LINGO4: variants seen among roughly 807,000 people sequenced by gnomAD.
LINGO4 encodes leucine-rich repeat and immunoglobulin-like domain-containing nogo receptor-interacting protein 4.
In LINGO4, 22 loss-of-function variants were observed where a neutral mutation model predicts 27.9. The ratio of observed to expected loss-of-function variants is 0.79; its 90% CI spans 0.56 to 1.13. The LOEUF is 1.13. Among genes scored for constraint, LINGO4 ranks in the 50% most tolerant of loss-of-function variants. The pLI is 0.00. For synonymous variants in LINGO4, 306 were observed against 325.8 expected, an observed-to-expected ratio of 0.94 and a Z score of 0.65; for missense variants, 706 against 739.4, an observed-to-expected ratio of 0.95 and a Z score of 0.52.
At chr1:151,804,318 G>A (rs1310752876) in intron 1 of LINGO4, among the ~76,000 whole-genome samples, 1 of 152,210 alleles carries the variant, frequency 6.6e-6, no homozygotes, top group Non-Finnish European at 1.5e-5. Flanking sequence ...ACTGGTGTGA[G>A]GCTTGGGGAT....
chr1:151,801,170 G>C lies in LINGO4; in HGVS notation c.1535C>G (p.Ser512Cys). 1 of 1,614,216 alleles carries C rather than the reference G, an allele frequency of 6.2e-7. No homozygotes were observed. The highest frequency in any genetic ancestry group is 1.1e-5 in the South Asian group (1 of 91,088). Residue 512 changes from serine to cysteine, a missense_variant, in exon 2 of 2, where the codon TCT becomes TGT. Ser to Cys is a moderately radical substitution (Grantham distance 112). Coordinates refer to ENST00000368820, the MANE Select transcript of LINGO4 (RefSeq NM_001004432.4). This position sits in a 1 kb window ranked among gnomAD's most constrained non-coding sequence, Gnocchi z 5.7. ...IQVEPPNGTL[S>C]DPNITVPGIP... ...CCCTGGCACGGTGATGTTGGGGTCA[G>C]AAAGTGTGCCGTTTGGTGGTTCCAC...
intron 1 of LINGO4, among the ~76,000 whole-genome samples, chr1:151,803,591 T>G (rs1006073054): frequency 2.0e-5 from 3 of 152,144 alleles, no homozygotes; most frequent in African/African-American, 7.2e-5. Flanking sequence ...TCCTTAATGG[T>G]GTTTGGATTC....
Position 151,802,135 on chromosome 1 carries a change from G to T in LINGO4, c.570C>A (p.Cys190Ter). 6.2e-7 allele frequency: 1 copy of T among 1,613,878 alleles called. No homozygotes were observed. Among genetic ancestry groups the T allele is most frequent in the Non-Finnish European group, 8.5e-7 (1 of 1,180,024 alleles). The change falls in exon 2 of 2, where the codon TGC becomes TGA. Residue 190 changes from cysteine to a stop codon, truncating the protein, a stop_gained. Transcript: ENST00000368820. LOFTEE classifies it high-confidence loss of function. ...CTAGGCCAGGCACTGTGCTGAGGTT[G>T]CAGCGCTCCAGGGTGAGGGTGCTCA... ...AKLSTLTLER[C>*]NLSTVPGLAL...
intron 1 of LINGO4, 50 bp from the exon 2 acceptor site, chr1:151,802,767 G>T (rs765944543): frequency 8.5e-5 from 113 of 1,324,244 alleles, no homozygotes; most frequent in Non-Finnish European, 8.7e-5. Flanking sequence ...TTCAGATGAC[G>T]GTGACCCTGG....
rs753744404 is a variant in LINGO4 at position 151,801,009 on chromosome 1, G to A, written c.1696C>T (p.His566Tyr). The change falls in exon 2 of 2, where the codon CAT (histidine) becomes TAT (tyrosine). Residue 566 changes from histidine (H) to tyrosine (Y), a missense_variant. Physicochemically the swap from His to Tyr is moderately conservative, Grantham distance 83. Transcript: ENST00000368820. This position sits in a 1 kb window ranked among gnomAD's most constrained non-coding sequence, Gnocchi z 5.7. The part of the protein sequence containing the change: ...LWSKGKGRVK[H>Y]HMTFDFVAPR... ...GCCACAAAGTCAAAGGTCATGTGAT[G>A]TTTGACCCGACCTTTGCCCTTGCTC... The A allele has an allele frequency of 1.2e-6, 2 of 1,614,072 alleles. No individual in the cohort carries two copies. The highest frequency in any genetic ancestry group is 3.3e-5 in the Admixed American group (2 of 60,002).
Position 151,802,192 on chromosome 1 carries a change from C to A in LINGO4, c.513G>T (p.Val171=). 1 of 1,614,136 alleles carries A rather than the reference C, an allele frequency of 6.2e-7. No homozygotes were observed. Among genetic ancestry groups the A allele is most frequent in the Non-Finnish European group, 8.5e-7 (1 of 1,180,020 alleles). ...CTAGCCCTGCAAAGGCCCCCGGAGC[C>A]ACAAATACCAGGTGGTTGTCCCCAA... ...LEVGDNHLVF[V]APGAFAGLAK... is the part of the protein sequence containing the mutation. The change falls in exon 2 of 2, where the codon GTG becomes GTT. Residue 171 remains valine (V), a synonymous_variant. Coordinates refer to ENST00000368820, the MANE Select transcript of LINGO4 (RefSeq NM_001004432.4).
chr1:151,802,767 G>A (rs765944543), intron 1 of LINGO4, 50 bp from the exon 2 acceptor site: 57 of 1,324,244 alleles, frequency 4.3e-5, no homozygotes, highest in Non-Finnish European at 5.4e-5. Flanking sequence ...TTCAGATGAC[G>A]GTGACCCTGG....
At position 151,802,517 on chromosome 1, in the gene LINGO4, T is replaced by C. The variant is rs761593515; in HGVS notation, c.188A>G (p.Glu63Gly). ...GCGGTTCCCACTCAGGTCCAGGAGCTCAGTGTCCAGTGGGAGTCCTCCAGG... is the reference window on the plus strand; with the variant it reads ...GCGGTTCCCACTCAGGTCCAGGAGCCCAGTGTCCAGTGGGAGTCCTCCAGG... ...AVPGGLPLDT[E>G]LLDLSGNRLW... is the part of the protein sequence containing the mutation. The change falls in exon 2 of 2, where the codon GAG (glutamate) becomes GGG (glycine). Residue 63 changes from glutamate (E) to glycine (G), a missense_variant. Glu to Gly is a moderately conservative substitution (Grantham distance 98, BLOSUM62 -2). Coordinates refer to ENST00000368820, the MANE Select transcript of LINGO4 (RefSeq NM_001004432.4). The C allele has an allele frequency of 4.3e-6, 7 of 1,610,350 alleles. No homozygotes were observed. The highest frequency in any genetic ancestry group is 5.9e-6 in the Non-Finnish European group (7 of 1,178,154).
Position 151,801,443 on chromosome 1 carries a change from C to G in LINGO4, c.1262G>C (p.Arg421Pro), listed in dbSNP as rs143154971. The change falls in exon 2 of 2, where the codon CGA becomes CCA. Residue 421 changes from arginine to proline, a missense_variant. Arg to Pro is a moderately radical substitution (Grantham distance 103). Coordinates refer to ENST00000368820, the MANE Select transcript of LINGO4 (RefSeq NM_001004432.4). The surrounding 1 kb of genome is among the most constrained non-coding windows in gnomAD (Gnocchi z 5.7). Reference protein sequence around the residue: ...KPALIRKSGPRWVIAEEGGHA... With the variant: ...KPALIRKSGPPWVIAEEGGHA... ...CCCGCCCTCCTCTGCAATGACCCATCGAGGCCCCGACTTTCGGATCAGGGC... is the reference window on the plus strand; with the variant it reads ...CCCGCCCTCCTCTGCAATGACCCATGGAGGCCCCGACTTTCGGATCAGGGC... 4 of 1,614,142 alleles carry G rather than the reference C, an allele frequency of 2.5e-6. No homozygotes were observed. The East Asian group carries it at 6.7e-5, about 27-fold the overall frequency.
At position 151,800,795 on chromosome 1, in the gene LINGO4, A is replaced by T; in HGVS notation, c.*128T>A. ...AAGCAGACTCTCCGGCAGGAGGCACAACGCAGGCGGGAGGTGCAGGAGAGC... is the reference window on the plus strand; with the variant it reads ...AAGCAGACTCTCCGGCAGGAGGCACTACGCAGGCGGGAGGTGCAGGAGAGC... On this transcript the variant is annotated 3_prime_UTR_variant, in exon 2 of 2. Coordinates refer to ENST00000368820, the MANE Select transcript of LINGO4 (RefSeq NM_001004432.4). 1.2e-6 allele frequency: 1 copy of T among 810,148 alleles called. No homozygotes were observed. Among genetic ancestry groups the T allele is most frequent in the Non-Finnish European group, 2.0e-6 (1 of 510,806 alleles). 50.2% of individuals were successfully genotyped at this position (810,148 alleles called of 1,614,324 possible). A position where few individuals can be genotyped will look rare whatever the true frequency, so the allele number is the denominator to read the frequency against.
At chr1:151,802,794 TAGAG>T (rs1651192840) in intron 1 of LINGO4, 77 bp from the exon 2 acceptor site, 2 of 1,050,456 alleles carry the variant, frequency 1.9e-6, no homozygotes, top group Non-Finnish European at 2.6e-6. Flanking sequence ...TGGCCCTTCT[TAGAG>T]AGGAGAGAAA....
Position 151,801,092 on chromosome 1 carries a change from A to T in LINGO4, c.1613T>A (p.Val538Asp). The T allele has an allele frequency of 6.2e-7, 1 of 1,614,170 alleles. No homozygotes were observed. Among genetic ancestry groups the T allele is most frequent in the Non-Finnish European group, 8.5e-7 (1 of 1,180,026 alleles). ...TGAGGTGAGGAAGGGGAGGAAGCCG[A>T]CTGCCAGCACCATGGCCACACCTCT... is the stretch of plus-strand genomic sequence containing the variant. ...DSRGVAMVLA[V>D]GFLPFLTSVT... Residue 538 changes from valine (V) to aspartate (D), a missense_variant, in exon 2 of 2, where the codon GTC becomes GAC. Val to Asp is a radical substitution (Grantham distance 152). Transcript: ENST00000368820. This position sits in a 1 kb window ranked among gnomAD's most constrained non-coding sequence, Gnocchi z 5.7.
Position 151,805,375 on chromosome 1 carries a change from G to C in LINGO4, c.-159C>G. 5.4e-6 allele frequency: 1 copy of C among 184,778 alleles called. No individual in the cohort carries two copies. The highest frequency in any genetic ancestry group is 9.0e-5 in the South Asian group (1 of 11,062). The allele number at this position is 184,778 out of a possible 1,614,324, so 11.4% of individuals were successfully genotyped here. On this transcript the variant is annotated 5_prime_UTR_variant, in exon 1 of 2. Transcript: ENST00000368820. Reference sequence around the variant, plus strand: ...CCTGGCTGCCCGGCTGCTGCCTGCCGCTGCTGCTGCTGCTGTTGCTGCTGC... The same window carrying C: ...CCTGGCTGCCCGGCTGCTGCCTGCCCCTGCTGCTGCTGCTGTTGCTGCTGC...
Position 151,801,095 on chromosome 1 carries a change from G to C in LINGO4, c.1610C>G (p.Ala537Gly), listed in dbSNP as rs764966255. The change falls in exon 2 of 2, where the codon GCA becomes GGA. Residue 537 changes from alanine (A) to glycine (G), a missense_variant. Ala to Gly is a moderately conservative substitution (Grantham distance 60, BLOSUM62 0). Coordinates refer to ENST00000368820, the MANE Select transcript of LINGO4 (RefSeq NM_001004432.4). This position sits in a 1 kb window ranked among gnomAD's most constrained non-coding sequence, Gnocchi z 5.7. ...LDSRGVAMVL[A>G]VGFLPFLTSV... is the part of the protein sequence containing the mutation. ...GGTGAGGAAGGGGAGGAAGCCGACTGCCAGCACCATGGCCACACCTCTGCT... is the reference window on the plus strand; with the variant it reads ...GGTGAGGAAGGGGAGGAAGCCGACTCCCAGCACCATGGCCACACCTCTGCT... The C allele has an allele frequency of 1.2e-6, 2 of 1,614,094 alleles. No individual in the cohort carries two copies. Among genetic ancestry groups the C allele is most frequent in the Non-Finnish European group, 1.7e-6 (2 of 1,180,040 alleles).
Position 151,802,752 on chromosome 1 carries a change from G to A in LINGO4, c.-13-35C>T, listed in dbSNP as rs1011468900. The A allele has an allele frequency of 2.7e-5, 38 of 1,411,560 alleles. No individual in the cohort carries two copies. The African/African-American group carries it at 3.4e-4, about 13-fold the overall frequency. The allele number at this position is 1,411,560 out of a possible 1,614,324, so 87.4% of individuals were successfully genotyped here. A position where few individuals can be genotyped will look rare whatever the true frequency, so the allele number is the denominator to read the frequency against. ...ATGATGACATGGCCCTTTTTGGAAA[G>A]TGGCTTCAGATGACGGTGACCCTGG... On this transcript the variant is annotated intron_variant, in intron 1 of 1. Coordinates refer to ENST00000368820, the MANE Select transcript of LINGO4 (RefSeq NM_001004432.4).
At position 151,800,783 on chromosome 1, in the gene LINGO4, G is replaced by T; in HGVS notation, c.*140C>A. 1.4e-6 allele frequency: 1 copy of T among 727,802 alleles called. No homozygotes were observed. The highest frequency in any genetic ancestry group is 2.3e-6 in the Non-Finnish European group (1 of 442,036). The allele number at this position is 727,802 out of a possible 1,614,324, so 45.1% of individuals were successfully genotyped here. A position where few individuals can be genotyped will look rare whatever the true frequency, so the allele number is the denominator to read the frequency against. ...GAAAAGCTCAGGAAGCAGACTCTCC[G>T]GCAGGAGGCACAACGCAGGCGGGAG... On this transcript the variant is annotated 3_prime_UTR_variant, in exon 2 of 2. Coordinates refer to ENST00000368820, the MANE Select transcript of LINGO4 (RefSeq NM_001004432.4).
chr1:151,804,848 C>A (rs911386750), intron 1 of LINGO4, among the ~76,000 whole-genome samples: 6 of 152,148 alleles, frequency 3.9e-5, no homozygotes, highest in African/African-American at 1.4e-4. Context: ...ATGTGGCAGT[C>A]CAGAGACACT....
In LINGO4 at chr1:151,800,830, C is replaced by T. The variant is rs1365167460; in HGVS notation, c.*93G>A. On this transcript the variant is annotated 3_prime_UTR_variant, in exon 2 of 2. Coordinates refer to ENST00000368820, the MANE Select transcript of LINGO4 (RefSeq NM_001004432.4). ...GGAGGTGCAGGAGAGCGGTGCTGCT[C>T]GGGACTAGGTTCTGGTTCAAGCAGC... The T allele has an allele frequency of 9.2e-6, 11 of 1,190,802 alleles. No individual in the cohort carries two copies. The highest frequency in any genetic ancestry group is 1.5e-5 in the African/African-American group (1 of 65,218). The allele number at this position is 1,190,802 out of a possible 1,614,324, so 73.8% of individuals were successfully genotyped here.
chr1:151,802,132 G>A lies in LINGO4; in HGVS notation c.573C>T (p.Asn191=), dbSNP rs759819047. ...GGGCTAGGCCAGGCACTGTGCTGAG[G>A]TTGCAGCGCTCCAGGGTGAGGGTGC... ...KLSTLTLERC[N]LSTVPGLALA... is the part of the protein sequence containing the mutation. Residue 191 remains asparagine (N), a synonymous_variant, in exon 2 of 2, where the codon AAC becomes AAT. Transcript: ENST00000368820. 1.9e-6 allele frequency: 3 copies of A among 1,613,910 alleles called. No homozygotes were observed. Among genetic ancestry groups the A allele is most frequent in the South Asian group, 2.2e-5 (2 of 91,088 alleles).
Sources: allele counts gnomAD v4.1 joint callset (sites outside exome capture counted in the v4.1 genomes callset), GRCh38; gene constraint gnomAD v4.1.1; non-coding constraint Gnocchi (gnomAD v3.1); transcripts MANE v1.5; gene names NCBI Gene and HGNC (gene_info 2026-07-23, HGNC 2026-07-21).